TLE1: variants seen among roughly 807,000 people sequenced by gnomAD.
TLE1 encodes TLE family member 1, transcriptional corepressor.
A neutral mutation model predicts 89.8 loss-of-function variants in TLE1; 21 were observed. The ratio of observed to expected loss-of-function variants is 0.23; its 90% confidence interval spans 0.17 to 0.34. The LOEUF is 0.34. TLE1 is among the 10% of genes least tolerant of loss of function. The pLI, the probability that TLE1 is intolerant of heterozygous loss-of-function variation, is 1.00. For missense variants in TLE1, 795 were observed against 1,031.2 expected (o/e 0.77, Z 3.14); for synonymous variants, 447 against 407.6 (o/e 1.10, Z -1.16).
intron 6 of TLE1, among the ~76,000 whole-genome samples, chr9:81,651,185 CAAGCAATTAACATAAATTGAT>C (rs1015903894): frequency 9.9e-5 from 15 of 152,186 alleles, no homozygotes; most frequent in Non-Finnish European, 2.2e-4. Flanking sequence ...CATCATCTCA[CAAGCAATTAACATAAATTGAT>C]AAATGAGTGA....
chr9:81,591,029 G>C lies in TLE1; in HGVS notation c.1605C>G (p.Ser535=), dbSNP rs755091680. The C allele has an allele frequency of 1.9e-6, 3 of 1,614,150 alleles. No individual in the cohort carries two copies. The highest frequency in any genetic ancestry group is 1.7e-5 in the Admixed American group (1 of 60,022). Residue 535 remains serine (S), a synonymous_variant, in exon 16 of 20, where the codon TCC becomes TCG. Transcript: ENST00000376499. ...DCLNRDNYIR[S]CKLLPDGCTL... ...TGCAGCCATCGGGTAGCAATTTACAGGAACGGATATAATTGTCTCTGTTCT... is the reference window on the plus strand; with the variant it reads ...TGCAGCCATCGGGTAGCAATTTACACGAACGGATATAATTGTCTCTGTTCT...
At chr9:81,605,907 A>T (rs1831591230) in intron 14 of TLE1, among the ~76,000 whole-genome samples, 1 of 152,126 alleles carries the variant, frequency 6.6e-6, no homozygotes, top group Non-Finnish European at 1.5e-5. Context: ...GAATCTACAA[A>T]GAACTTAAAC....
intron 14 of TLE1, among the ~76,000 whole-genome samples, chr9:81,598,332 C>T (rs893615973): frequency 1.3e-5 from 2 of 152,074 alleles, no homozygotes; most frequent in African/African-American, 2.4e-5. Context: ...AGAACAGCAC[C>T]GCTTCCCTCC....
intron 4 of TLE1, among the ~76,000 whole-genome samples, chr9:81,675,699 T>TTTG (rs1564071024): frequency 3.5e-5 from 3 of 84,778 alleles, no homozygotes; most frequent in African/African-American, 1.6e-4. Context: ...CTCACACTAG[T>TTTG]TTTTTTTTGT....
At chr9:81,642,718 G>GGAAA (rs1026097170) in intron 6 of TLE1, among the ~76,000 whole-genome samples, 3 of 151,194 alleles carry the variant, frequency 2.0e-5, no homozygotes, top group East Asian at 1.9e-4. Context: ...AAGAAAGAAA[G>GGAAA]GAAAGAAAGA....
chr9:81,608,592 T>C (rs1823279524), intron 14 of TLE1, among the ~76,000 whole-genome samples: 1 of 151,740 alleles, frequency 6.6e-6, no homozygotes. Flanking sequence ...AAGGCAAGGG[T>C]ATGACAAAAA....
chr9:81,640,618 C>T (rs542200025), intron 6 of TLE1, among the ~76,000 whole-genome samples: 1 of 152,262 alleles, frequency 6.6e-6, no homozygotes, highest in African/African-American at 2.4e-5. Flanking sequence ...ACTGAAAACC[C>T]ACAAGGAATA....
At chr9:81,635,386 C>A (rs988563938) in intron 6 of TLE1, among the ~76,000 whole-genome samples, 1 of 152,138 alleles carries the variant, frequency 6.6e-6, no homozygotes, top group Non-Finnish European at 1.5e-5. Context: ...CACTTTGCCC[C>A]CATTGCTTAA....
At chr9:81,687,652 C>T (rs969090067) in intron 1 of TLE1, among the ~76,000 whole-genome samples, 6 of 152,156 alleles carry the variant, frequency 3.9e-5, no homozygotes, top group African/African-American at 1.4e-4. Context: ...TCTTCCCAGT[C>T]TCCAGGGCGG....
intron 4 of TLE1, among the ~76,000 whole-genome samples, chr9:81,673,204 T>C (rs893366361): frequency 7.5e-6 from 1 of 133,586 alleles, no homozygotes; most frequent in Non-Finnish European, 1.5e-5. Flanking sequence ...ACCTGGGAGG[T>C]GGAGGTTGCA....
rs554499299 is a variant in TLE1 at position 81,617,691 on chromosome 9, G to A, written c.712-992C>T. Reference sequence around the variant, plus strand: ...CACTCTGGCCTAGCCGACATAGCAAGACTCTGTCACAAAAAAATAAATAAA... The same window carrying A: ...CACTCTGGCCTAGCCGACATAGCAAAACTCTGTCACAAAAAAATAAATAAA... On this transcript the variant is annotated intron_variant, in intron 9 of 19. Transcript: ENST00000376499. 7.2e-5 allele frequency among the ~76,000 whole-genome samples: 11 copies of A among 151,952 alleles called. No individual in the cohort carries two copies. In the South Asian group the frequency reaches 2.1e-3, roughly 29 times the overall value.
intron 4 of TLE1, among the ~76,000 whole-genome samples, chr9:81,660,420 T>C (rs1278881807): frequency 1.3e-5 from 2 of 151,990 alleles, no homozygotes; most frequent in African/African-American, 4.8e-5. Flanking sequence ...TATTTTATTA[T>C]TATTATTTTT....
At chr9:81,686,048 T>A in intron 2 of TLE1, 152 bp from the exon 3 acceptor site, 1 of 732,246 alleles carries the variant, frequency 1.4e-6, no homozygotes, top group Non-Finnish European at 2.3e-6. Context: ...TCCTTGCATT[T>A]AATAGGGAAA....
intron 14 of TLE1, among the ~76,000 whole-genome samples, chr9:81,604,773 A>G (rs796882684): frequency 2.0e-5 from 3 of 152,244 alleles, no homozygotes; most frequent in African/African-American, 7.2e-5. Context: ...ATCCACCTGC[A>G]CATGGATCCC....
At chr9:81,677,624 G>C (rs1170668202) in intron 4 of TLE1, among the ~76,000 whole-genome samples, 6 of 146,498 alleles carry the variant, frequency 4.1e-5, no homozygotes, top group Non-Finnish European at 7.5e-5. Context: ...TTTTCACCAA[G>C]AGGTTGTACG....
intron 11 of TLE1, among the ~76,000 whole-genome samples, chr9:81,615,541 A>T (rs1176487020): frequency 1.7e-5 from 2 of 115,506 alleles, no homozygotes; most frequent in Non-Finnish European, 3.3e-5. Context: ...TCTACTAAAA[A>T]TACAAAAAAA....
intron 8 of TLE1, among the ~76,000 whole-genome samples, chr9:81,625,440 T>C (rs1825781383): frequency 6.6e-6 from 1 of 152,232 alleles, no homozygotes; most frequent in African/African-American, 2.4e-5. Context: ...AACCATGTTT[T>C]ATTAAACACA....
chr9:81,634,076 C>A, intron 7 of TLE1, 21 bp downstream of exon 7: 1 of 1,595,314 alleles, frequency 6.3e-7, no homozygotes, highest in South Asian at 1.1e-5. Flanking sequence ...AAGTCCTAAT[C>A]TGGCTTGCCC....
intron 4 of TLE1, among the ~76,000 whole-genome samples, chr9:81,678,872 G>A (rs1833237627): frequency 6.6e-6 from 1 of 152,086 alleles, no homozygotes; most frequent in South Asian, 2.1e-4. Context: ...TGGGACCAGT[G>A]TCTCACACCT....
Sources: allele counts gnomAD v4.1 joint callset (sites outside exome capture counted in the v4.1 genomes callset), GRCh38; gene constraint gnomAD v4.1.1; transcripts MANE v1.5; gene names NCBI Gene and HGNC (gene_info 2026-07-23, HGNC 2026-07-21).